The following BCKDHB variants were observed in gnomAD, a reference collection of about 807,000 sequenced individuals.
BCKDHB encodes the protein 2-oxoisovalerate dehydrogenase subunit beta, mitochondrial.
A neutral mutation model predicts 48.5 loss-of-function variants in BCKDHB; 41 were observed. The observed-to-expected ratio is 0.85, with a 90% CI of 0.66 to 1.10. BCKDHB has a LOEUF of 1.10. BCKDHB is among the 50% of genes least tolerant of loss of function. The pLI is 0.00. For missense variants in BCKDHB, 496 were observed against 494.2 expected (o/e 1.00, Z -0.03); for synonymous variants, 201 against 174.8 (o/e 1.15, Z -1.18).
intron 3 of BCKDHB, among the ~76,000 whole-genome samples, chr6:80,162,392 A>G (rs1772360119): frequency 6.6e-6 from 1 of 151,832 alleles, no homozygotes; most frequent in East Asian, 1.9e-4. Context: ...GTTCCTATCA[A>G]CCCCTCCACA....
intron 8 of BCKDHB, among the ~76,000 whole-genome samples, chr6:80,264,219 G>C (rs1777420487): frequency 6.6e-6 from 1 of 152,110 alleles, no homozygotes; most frequent in Admixed American, 6.6e-5. Flanking sequence ...ACCCTTTAGG[G>C]ACCTGAGTTA....
chr6:80,403,652 AT>A, the BCKDHB span, among the ~76,000 whole-genome samples: 25 of 151,810 alleles, frequency 1.6e-4, no homozygotes, highest in Non-Finnish European at 3.4e-4. Context: ...TCATTATCTT[AT>A]TCTTGAACTT....
intron 9 of BCKDHB, among the ~76,000 whole-genome samples, chr6:80,287,625 G>T (rs9352808): frequency 0.38 from 58,440 of 151,964 alleles, 12,891 homozygotes; most frequent in Admixed American, 0.56. Context: ...TCAGCAAAGA[G>T]ATGGGTCCTG....
chr6:80,428,292 T>C, the BCKDHB span, among the ~76,000 whole-genome samples: 1 of 152,208 alleles, frequency 6.6e-6, no homozygotes, highest in South Asian at 2.1e-4. Flanking sequence ...TTTGGGTTGG[T>C]TCCAAGTCTT....
At chr6:80,451,297 A>G in the BCKDHB span, among the ~76,000 whole-genome samples, 1 of 152,158 alleles carries the variant, frequency 6.6e-6, no homozygotes, top group Non-Finnish European at 1.5e-5. Context: ...GTTTTACTGG[A>G]ACTTTTATAA....
chr6:80,439,765 C>T, the BCKDHB span, among the ~76,000 whole-genome samples: 1 of 152,166 alleles, frequency 6.6e-6, no homozygotes, highest in African/African-American at 2.4e-5. Flanking sequence ...GAAATCAATT[C>T]TAAAGCTGGG....
At chr6:80,127,327 C>T in intron 1 of BCKDHB, 1 of 513,528 alleles carries the variant, frequency 1.9e-6, no homozygotes, top group East Asian at 3.6e-5. Flanking sequence ...TATACTTTTA[C>T]AAAAAATTGT....
At chr6:80,371,185 G>T in the BCKDHB span, among the ~76,000 whole-genome samples, 1 of 152,022 alleles carries the variant, frequency 6.6e-6, no homozygotes, top group Non-Finnish European at 1.5e-5. Flanking sequence ...GGCCATTCTT[G>T]CAGGAGTAAG....
At chr6:80,390,623 GA>G in the BCKDHB span, among the ~76,000 whole-genome samples, 41 of 152,284 alleles carry the variant, frequency 2.7e-4, no homozygotes, top group African/African-American at 9.6e-4. Flanking sequence ...TTGGGTTGGG[GA>G]TTGGTGCGTT....
At chr6:80,197,929 T>A (rs1486901782) in intron 6 of BCKDHB, among the ~76,000 whole-genome samples, 2 of 143,470 alleles carry the variant, frequency 1.4e-5, no homozygotes, top group Non-Finnish European at 3.0e-5. Flanking sequence ...GATCTATCCA[T>A]CTGTTCATCC....
At chr6:80,348,014 C>T (rs1191516117), downstream of BCKDHB, among the ~76,000 whole-genome samples, 1 of 151,878 alleles carries the variant, frequency 6.6e-6, no homozygotes, top group African/African-American at 2.4e-5. Flanking sequence ...AATTTAATTT[C>T]TGTGGTTTAA....
At chr6:80,332,042 T>A (rs1359088648) in intron 9 of BCKDHB, among the ~76,000 whole-genome samples, 3 of 152,178 alleles carry the variant, frequency 2.0e-5, no homozygotes, top group Non-Finnish European at 4.4e-5. Context: ...TTGAAGAGTT[T>A]TTAAAAGCTG....
chr6:80,355,525 A>G, the BCKDHB span: 1 of 152,084 alleles, frequency 6.6e-6, no homozygotes, highest in Non-Finnish European at 1.5e-5. Context: ...TTCGGAGAAC[A>G]GTATAGTAAA....
chr6:80,123,094 GA>G (rs977800327), intron 1 of BCKDHB, among the ~76,000 whole-genome samples: 25 of 151,498 alleles, frequency 1.7e-4, no homozygotes, highest in Non-Finnish European at 3.1e-4. Context: ...TCTGCAAGAA[GA>G]AAAATATGGC....
chr6:80,258,769 A>G (rs981982359), intron 8 of BCKDHB, among the ~76,000 whole-genome samples: 10 of 151,766 alleles, frequency 6.6e-5, no homozygotes, highest in Admixed American at 3.9e-4. Context: ...AAAAGCATCC[A>G]TTTTAGCAGC....
chr6:80,428,697 G>A, the BCKDHB span, among the ~76,000 whole-genome samples: 2 of 152,102 alleles, frequency 1.3e-5, no homozygotes, highest in Non-Finnish European at 2.9e-5. Context: ...CATATCTTCT[G>A]CCCACTTTTT....
chr6:80,320,162 CAG>C (rs1768645405), intron 9 of BCKDHB, among the ~76,000 whole-genome samples: 1 of 152,120 alleles, frequency 6.6e-6, no homozygotes, highest in Non-Finnish European at 1.5e-5. Flanking sequence ...TTATTAGTTA[CAG>C]TATCATATTG....
the BCKDHB span, chr6:80,463,210 G>A: frequency 6.6e-6 from 1 of 152,178 alleles, no homozygotes; most frequent in African/African-American, 2.4e-5. Flanking sequence ...TAATTCTTAT[G>A]TGCAAAGTGA....
chr6:80,246,037 C>T (rs1776597425), intron 8 of BCKDHB, among the ~76,000 whole-genome samples: 1 of 152,124 alleles, frequency 6.6e-6, no homozygotes, highest in Non-Finnish European at 1.5e-5. Flanking sequence ...GATGACTCCC[C>T]TGCACTCCAA....
Sources: gnomAD v4.1 joint callset for allele counts (sites outside exome capture counted in the v4.1 genomes callset) on GRCh38, gnomAD v4.1.1 for gene constraint, MANE v1.5 for transcripts, NCBI Gene and HGNC (gene_info 2026-07-23, HGNC 2026-07-21) for gene names.